Variants in BAZ2B observed in about 807,000 individuals in gnomAD.
BAZ2B encodes the protein bromodomain adjacent to zinc finger domain 2B.
A neutral mutation model predicts 246.0 loss-of-function variants in BAZ2B; 91 were observed. The observed-to-expected ratio is 0.37, with a 90% CI of 0.31 to 0.44. The LOEUF is 0.44. Among genes scored for constraint, BAZ2B ranks in the 20% least tolerant of loss-of-function variants. The pLI, the probability that BAZ2B is intolerant of heterozygous loss-of-function variation, is 1.00. For missense variants in BAZ2B, 2,332 were observed against 2,533.7 expected (o/e 0.92, Z 1.71); for synonymous variants, 855 against 860.0 (o/e 0.99, Z 0.10).
the BAZ2B span, chr2:159,690,090 C>A: frequency 3.7e-6 from 2 of 534,584 alleles, no homozygotes; most frequent in East Asian, 4.2e-5. Context: ...AATGCAACTT[C>A]ATCATTCTGC....
At chr2:159,663,576 G>A in the BAZ2B span, among the ~76,000 whole-genome samples, 129,731 of 150,502 alleles carry the variant, frequency 0.86, 56,136 homozygotes, top group Middle Eastern at 0.94. Flanking sequence ...ATGCAATGGC[G>A]TGGTCTGGTT....
chr2:159,560,637 T>A (rs891621531), intron 1 of BAZ2B, among the ~76,000 whole-genome samples: 1 of 151,706 alleles, frequency 6.6e-6, no homozygotes, highest in African/African-American at 2.4e-5. Context: ...TGGTGCGATC[T>A]CTGCCTCAGC....
At chr2:159,401,663 G>T (rs954725085) in intron 16 of BAZ2B, among the ~76,000 whole-genome samples, 1 of 152,018 alleles carries the variant, frequency 6.6e-6, no homozygotes, top group Non-Finnish European at 1.5e-5. Flanking sequence ...GGTACACGTT[G>T]TCTAAATTTA....
chr2:159,666,901 G>A, the BAZ2B span, among the ~76,000 whole-genome samples: 3 of 152,062 alleles, frequency 2.0e-5, no homozygotes, highest in South Asian at 4.2e-4. Flanking sequence ...GACACAGAGA[G>A]GGGAACATCA....
intron 27 of BAZ2B, among the ~76,000 whole-genome samples, chr2:159,351,051 G>C (rs2058507288): frequency 6.6e-6 from 1 of 151,768 alleles, no homozygotes; most frequent in African/African-American, 2.4e-5. Flanking sequence ...AAAACTTAAA[G>C]TATAATAATA....
At chr2:159,513,910 T>C (rs1270580231) in intron 2 of BAZ2B, among the ~76,000 whole-genome samples, 1 of 152,068 alleles carries the variant, frequency 6.6e-6, no homozygotes, top group Admixed American at 6.6e-5. Flanking sequence ...TCTTACTCTC[T>C]CTCTCCATAC....
At chr2:159,391,159 A>C (rs1401966117) in intron 20 of BAZ2B, among the ~76,000 whole-genome samples, 5 of 152,186 alleles carry the variant, frequency 3.3e-5, no homozygotes, top group Non-Finnish European at 5.9e-5. Flanking sequence ...GTAATGAATT[A>C]GCATCACTAA....
intron 2 of BAZ2B, among the ~76,000 whole-genome samples, chr2:159,480,884 A>T (rs1410582950): frequency 6.6e-6 from 1 of 152,010 alleles, no homozygotes; most frequent in Non-Finnish European, 1.5e-5. Context: ...TTTTATTTCA[A>T]CTATATTTAT....
chr2:159,482,377 CAAG>C (rs1429075701), intron 2 of BAZ2B, among the ~76,000 whole-genome samples: 1 of 151,934 alleles, frequency 6.6e-6, no homozygotes, highest in Non-Finnish European at 1.5e-5. Flanking sequence ...TGAGTGATTT[CAAG>C]AAGATGTAGT....
intron 2 of BAZ2B, among the ~76,000 whole-genome samples, chr2:159,513,162 T>C (rs1179539514): frequency 1.3e-5 from 2 of 152,178 alleles, no homozygotes; most frequent in African/African-American, 2.4e-5. Context: ...TAAAAGCAGA[T>C]AGTACAATTC....
At chr2:159,437,580 C>T (rs956408306) in intron 8 of BAZ2B, 1 of 152,050 alleles carries the variant, frequency 6.6e-6, no homozygotes, top group Non-Finnish European at 1.5e-5. Context: ...TGTGTACATT[C>T]TAGGACTACA....
chr2:159,602,576 G>A (rs1368528759), intron 1 of BAZ2B, among the ~76,000 whole-genome samples: 2 of 152,086 alleles, frequency 1.3e-5, no homozygotes, highest in Non-Finnish European at 2.9e-5. Context: ...TACAATGATT[G>A]TACAACTACA....
intron 22 of BAZ2B, 31 bp from the exon 23 acceptor site, chr2:159,385,400 A>G (rs767877511): frequency 6.4e-7 from 1 of 1,556,834 alleles, no homozygotes; most frequent in East Asian, 2.3e-5. Flanking sequence ...TATCAGTATT[A>G]CTCACAACCA....
chr2:159,384,547 A>T (rs1373199807), intron 23 of BAZ2B, among the ~76,000 whole-genome samples: 1 of 152,140 alleles, frequency 6.6e-6, no homozygotes. Context: ...AACAAGGACA[A>T]GATGAACATG....
At chr2:159,664,862 G>A in the BAZ2B span, among the ~76,000 whole-genome samples, 1 of 145,910 alleles carries the variant, frequency 6.9e-6, no homozygotes, top group African/African-American at 2.5e-5. Flanking sequence ...CTTTTGCTGT[G>A]CAGAAGCTCT....
chr2:159,402,136 T>C (rs181622136), intron 16 of BAZ2B, among the ~76,000 whole-genome samples: 1 of 152,294 alleles, frequency 6.6e-6, no homozygotes, highest in Non-Finnish European at 1.5e-5. Context: ...ATATTAATTG[T>C]AGGCTGTCAA....
chr2:159,491,720 C>CAAAAGAAAAAAAAAAAAAAAA, intron 2 of BAZ2B, among the ~76,000 whole-genome samples: 1 of 29,558 alleles, frequency 3.4e-5, no homozygotes, highest in Non-Finnish European at 5.1e-5. Context: ...GACTCCGTCT[C>CAAAAGAAAAAAAAAAAAAAAA]AAAAAAAAAA....
chr2:159,561,785 A>T (rs2089905778), intron 1 of BAZ2B, among the ~76,000 whole-genome samples: 1 of 152,200 alleles, frequency 6.6e-6, no homozygotes, highest in Non-Finnish European at 1.5e-5. Flanking sequence ...ATTTGGTAGG[A>T]TATGTACATT....
intron 2 of BAZ2B, among the ~76,000 whole-genome samples, chr2:159,547,555 T>C (rs936275608): frequency 2.6e-5 from 4 of 151,916 alleles, no homozygotes; most frequent in African/African-American, 7.2e-5. Context: ...GCATTTCTTA[T>C]ATCTCACAGC....
Sources: allele counts gnomAD v4.1 joint callset (sites outside exome capture counted in the v4.1 genomes callset), GRCh38; gene constraint gnomAD v4.1.1; transcripts MANE v1.5; gene names NCBI Gene and HGNC (gene_info 2026-07-23, HGNC 2026-07-21).